GRIN3A: variants seen among roughly 807,000 people sequenced by gnomAD.
GRIN3A encodes the protein glutamate ionotropic receptor NMDA type subunit 3A.
GRIN3A carries 47 observed loss-of-function variants against 92.4 expected under a neutral mutation model. The ratio of observed to expected loss-of-function variants is 0.51; its 90% confidence interval spans 0.40 to 0.65. The LOEUF (loss-of-function observed/expected upper bound fraction) is 0.65, where lower values mean the gene tolerates loss of function less well. GRIN3A is among the 30% of genes least tolerant of loss of function. The pLI is 0.00. For synonymous variants in GRIN3A, 527 were observed against 540.6 expected, an observed-to-expected ratio of 0.97 and a Z score of 0.35; for missense variants, 1,324 against 1,393.1, an observed-to-expected ratio of 0.95 and a Z score of 0.79.
chr9:101,614,080 A>AAAAT (rs777729770), intron 5 of GRIN3A, among the ~76,000 whole-genome samples: 11 of 152,206 alleles, frequency 7.2e-5, no homozygotes, highest in Non-Finnish European at 1.3e-4. Flanking sequence ...AAATTGTCCA[A>AAAAT]AAATAAATAA....
chr9:101,686,415 G>C (rs1478407024), intron 2 of GRIN3A, among the ~76,000 whole-genome samples, 181 bp downstream of exon 2: 1 of 152,166 alleles, frequency 6.6e-6, no homozygotes, highest in Non-Finnish European at 1.5e-5. Context: ...CAAGTTTATA[G>C]ATCAAATTAC....
Position 101,594,473 on chromosome 9 carries a change from A to G in GRIN3A, c.2767-15113T>C, listed in dbSNP as rs781576089. On this transcript the variant is annotated intron_variant, in intron 6 of 8. Transcript: ENST00000361820. ...TCTGACCACAGCACTGAATTCCTCA[A>G]AGGATATCTTCCCATCGCCATCCTT... 3.1e-5 allele frequency: 50 copies of G among 1,614,060 alleles called. No homozygotes were observed. The African/African-American group carries it at 5.6e-4, about 18-fold the overall frequency.
At chr9:101,595,433 T>C (rs1352860468) in intron 6 of GRIN3A, among the ~76,000 whole-genome samples, 6 of 151,846 alleles carry the variant, frequency 4.0e-5, no homozygotes, top group Admixed American at 3.3e-4. Flanking sequence ...GCTTAATAAA[T>C]ATACGCCGAA....
chr9:101,688,960 A>G (rs528000970), intron 1 of GRIN3A, among the ~76,000 whole-genome samples: 1 of 152,310 alleles, frequency 6.6e-6, no homozygotes, highest in Admixed American at 6.5e-5. Flanking sequence ...AGGAGACAGG[A>G]TCCAATAGGT....
chr9:101,586,306 T>C (rs1046725199), intron 6 of GRIN3A, among the ~76,000 whole-genome samples: 1 of 152,202 alleles, frequency 6.6e-6, no homozygotes, highest in Non-Finnish European at 1.5e-5. Flanking sequence ...CTTTTGTCCA[T>C]TTTGCTCGAT....
chr9:101,634,383 G>A (rs1828756255), intron 3 of GRIN3A, among the ~76,000 whole-genome samples: 2 of 148,386 alleles, frequency 1.3e-5, no homozygotes, highest in South Asian at 4.3e-4. Context: ...CATAGCTTCT[G>A]TAAATGAAAG....
At position 101,573,169 on chromosome 9, in the gene GRIN3A, G is replaced by A. The variant is rs1267303588; in HGVS notation, c.*5C>T. The A allele has an allele frequency of 1.2e-6, 2 of 1,610,102 alleles. No individual in the cohort carries two copies. The highest frequency in any genetic ancestry group is 1.7e-6 in the Non-Finnish European group (2 of 1,176,400). On this transcript the variant is annotated 3_prime_UTR_variant, in exon 9 of 9. Transcript: ENST00000361820. ...GGAACTGAGAAAGGGAAGCAGTGTGGTCACCTAGGACTCACAAGTCCGACT... is the reference window on the plus strand; with the variant it reads ...GGAACTGAGAAAGGGAAGCAGTGTGATCACCTAGGACTCACAAGTCCGACT...
intron 6 of GRIN3A, among the ~76,000 whole-genome samples, chr9:101,603,264 G>T (rs1017557960): frequency 5.9e-5 from 9 of 151,974 alleles, no homozygotes; most frequent in African/African-American, 2.2e-4. Context: ...TAAGAGGGTG[G>T]GTGCACCAAC....
At chr9:101,580,627 G>A (rs1419747967) in intron 6 of GRIN3A, among the ~76,000 whole-genome samples, 1 of 152,130 alleles carries the variant, frequency 6.6e-6, no homozygotes, top group Non-Finnish European at 1.5e-5. Context: ...GAGAAGTGTA[G>A]TAAACCGAGC....
intron 1 of GRIN3A, among the ~76,000 whole-genome samples, chr9:101,702,392 A>G (rs915870913): frequency 3.9e-5 from 6 of 152,308 alleles, no homozygotes; most frequent in African/African-American, 1.4e-4. Context: ...CTTTTATAAC[A>G]ATCATCAATG....
intron 2 of GRIN3A, among the ~76,000 whole-genome samples, chr9:101,675,184 A>C (rs1252806046): frequency 6.6e-6 from 1 of 151,972 alleles, no homozygotes. Flanking sequence ...TTTTATCAAC[A>C]AACCTCCCAA....
intron 6 of GRIN3A, chr9:101,594,968 G>A (rs1828098767): frequency 1.3e-6 from 2 of 1,570,532 alleles, no homozygotes; most frequent in Non-Finnish European, 1.7e-6. Flanking sequence ...GGAGAGGGGA[G>A]CAGGGGCGGT....
chr9:101,652,535 A>T (rs1829027004), intron 3 of GRIN3A, among the ~76,000 whole-genome samples: 1 of 151,974 alleles, frequency 6.6e-6, no homozygotes, highest in South Asian at 2.1e-4. Flanking sequence ...AGGTCCCAAC[A>T]TCCTCCCTCC....
intron 3 of GRIN3A, among the ~76,000 whole-genome samples, chr9:101,649,867 C>T (rs1828989716): frequency 6.6e-6 from 1 of 152,028 alleles, no homozygotes. Flanking sequence ...GTCTCTGGAA[C>T]AAAACATAGT....
At chr9:101,639,275 G>A (rs533460403) in intron 3 of GRIN3A, among the ~76,000 whole-genome samples, 1 of 152,126 alleles carries the variant, frequency 6.6e-6, no homozygotes, top group South Asian at 2.1e-4. Context: ...TGATTTCACT[G>A]TAATTGTCAG....
At chr9:101,695,372 A>C (rs1485789189) in intron 1 of GRIN3A, among the ~76,000 whole-genome samples, 1 of 152,178 alleles carries the variant, frequency 6.6e-6, no homozygotes, top group East Asian at 1.9e-4. Flanking sequence ...CAGCACCAAG[A>C]AACAAATTGA....
intron 6 of GRIN3A, among the ~76,000 whole-genome samples, chr9:101,600,313 A>C (rs1358501809): frequency 6.6e-6 from 1 of 152,180 alleles, no homozygotes; most frequent in Non-Finnish European, 1.5e-5. Context: ...ATACTCAGCT[A>C]TTTATTTGTT....
At chr9:101,605,524 TAATA>T (rs1828268833) in intron 6 of GRIN3A, among the ~76,000 whole-genome samples, 1 of 152,186 alleles carries the variant, frequency 6.6e-6, no homozygotes, top group South Asian at 2.1e-4. Context: ...ATAACGAGGT[TAATA>T]GACATCTTCA....
intron 5 of GRIN3A, 126 bp from the exon 6 acceptor site, chr9:101,613,653 C>G: frequency 1.2e-6 from 1 of 849,892 alleles, no homozygotes; most frequent in South Asian, 1.4e-5. Flanking sequence ...CATCAACTTT[C>G]TTTCAAAGCA....
Sources: gnomAD v4.1 joint callset for allele counts (sites outside exome capture counted in the v4.1 genomes callset) on GRCh38, gnomAD v4.1.1 for gene constraint, MANE v1.5 for transcripts, NCBI Gene and HGNC (gene_info 2026-07-23, HGNC 2026-07-21) for gene names.